The following RALYL variants were observed in gnomAD, a reference collection of about 807,000 sequenced individuals.
The protein encoded by RALYL is RNA-binding Raly-like protein.
Under a neutral mutation model 35.1 loss-of-function variants are expected in RALYL, and 29 were observed. The observed-to-expected ratio is 0.83, with a 90% CI of 0.61 to 1.13. RALYL has a LOEUF of 1.13. Among genes scored for constraint, RALYL ranks in the 50% most tolerant of loss-of-function variants. The probability of loss-of-function intolerance (pLI) is 0.00; values close to 1 mark genes in which losing one functional copy is unlikely to be tolerated. For synonymous variants in RALYL, 120 were observed against 127.6 expected, an observed-to-expected ratio of 0.94 and a Z score of 0.40; for missense variants, 359 against 360.4, an observed-to-expected ratio of 1.00 and a Z score of 0.03.
At chr8:84,705,923 T>C in intron 2 of RALYL, 2 of 1,500,178 alleles carry the variant, frequency 1.3e-6, no homozygotes, top group Non-Finnish European at 8.8e-7. Context: ...GGTTACCTTC[T>C]GTCAGTGAGC....
intron 2 of RALYL, among the ~76,000 whole-genome samples, chr8:84,603,900 A>C (rs1816528127): frequency 6.6e-6 from 1 of 151,744 alleles, no homozygotes; most frequent in Non-Finnish European, 1.5e-5. Context: ...CTTCACCACC[A>C]CTGCTCTGGA....
intron 1 of RALYL, among the ~76,000 whole-genome samples, chr8:84,285,514 T>C (rs1053723686): frequency 6.6e-6 from 1 of 152,024 alleles, no homozygotes. Flanking sequence ...TGGTTATAAA[T>C]GCTATGGAAC....
At chr8:84,733,543 A>G (rs1329121398) in intron 2 of RALYL, among the ~76,000 whole-genome samples, 5 of 152,180 alleles carry the variant, frequency 3.3e-5, no homozygotes, top group African/African-American at 1.2e-4. Flanking sequence ...AAAGTCCTAA[A>G]TATGGAGAAT....
chr8:84,489,560 C>T (rs982989624), intron 1 of RALYL, among the ~76,000 whole-genome samples: 1 of 151,946 alleles, frequency 6.6e-6, no homozygotes, highest in African/African-American at 2.4e-5. Flanking sequence ...AGTCCAATTG[C>T]AGAAACTGGC....
chr8:84,188,016 G>A (rs1812944110), intron 1 of RALYL, among the ~76,000 whole-genome samples: 1 of 152,056 alleles, frequency 6.6e-6, no homozygotes, highest in African/African-American at 2.4e-5. Context: ...TGAATAGTAA[G>A]GACGAATTTG....
intron 1 of RALYL, among the ~76,000 whole-genome samples, chr8:84,443,873 C>T (rs2048593167): frequency 6.6e-6 from 1 of 152,110 alleles, no homozygotes; most frequent in African/African-American, 2.4e-5. Context: ...TCGATGATAG[C>T]AACCTCCAGT....
At chr8:84,487,974 C>A (rs1312287468) in intron 1 of RALYL, among the ~76,000 whole-genome samples, 4 of 151,842 alleles carry the variant, frequency 2.6e-5, no homozygotes, top group African/African-American at 7.3e-5. Context: ...ATGTTTATAT[C>A]CATGGTGTGA....
intron 1 of RALYL, among the ~76,000 whole-genome samples, chr8:84,305,338 T>C (rs1841573536): frequency 6.6e-6 from 1 of 152,202 alleles, no homozygotes; most frequent in Admixed American, 6.5e-5. Flanking sequence ...CGTCTAGTAA[T>C]TCAACTGATA....
chr8:84,258,601 T>G (rs1444922767), intron 1 of RALYL, among the ~76,000 whole-genome samples: 1 of 152,080 alleles, frequency 6.6e-6, no homozygotes, highest in Non-Finnish European at 1.5e-5. Context: ...CTTTGCATAT[T>G]GTTTCTAATT....
intron 7 of RALYL, among the ~76,000 whole-genome samples, chr8:84,877,870 C>T (rs535627134): frequency 6.6e-6 from 1 of 152,276 alleles, no homozygotes; most frequent in South Asian, 2.1e-4. Flanking sequence ...TACCTTACTG[C>T]TCTCATTGAC....
chr8:84,440,865 T>A lies in RALYL; in HGVS notation c.-23-88434T>A, dbSNP rs111964524. Among the ~76,000 whole-genome samples the A allele has an allele frequency of 2.2e-3, 342 of 152,188 alleles. 3 individuals carry two copies. The highest frequency in any genetic ancestry group is 7.6e-3 in the African/African-American group (316 of 41,588). ...TTTTTAGGTGAACATAAGTTTTCATTTAACTTGATTTAATCTCTACAAGAG... is the reference window on the plus strand; with the variant it reads ...TTTTTAGGTGAACATAAGTTTTCATATAACTTGATTTAATCTCTACAAGAG... On this transcript the variant is annotated intron_variant, in intron 1 of 8. Transcript: ENST00000521268.
intron 1 of RALYL, among the ~76,000 whole-genome samples, chr8:84,403,493 G>GCTCTGTT (rs2043131344): frequency 7.3e-6 from 1 of 136,620 alleles, no homozygotes; most frequent in Non-Finnish European, 1.6e-5. Context: ...ATTTCTGAGG[G>GCTCTGTT]CTCTGTTCTG....
chr8:84,769,246 C>A (rs1340318220), intron 2 of RALYL, among the ~76,000 whole-genome samples: 2 of 151,834 alleles, frequency 1.3e-5, no homozygotes, highest in Non-Finnish European at 2.9e-5. Flanking sequence ...CTCGATCTGG[C>A]TGTGCCTTAT....
chr8:84,466,883 G>A (rs1421243662), intron 1 of RALYL, among the ~76,000 whole-genome samples: 2 of 151,288 alleles, frequency 1.3e-5, no homozygotes, highest in Non-Finnish European at 1.5e-5. Context: ...GAGTGTATGT[G>A]TCGAGGAATT....
chr8:84,676,341 A>G (rs1023370192), intron 2 of RALYL, among the ~76,000 whole-genome samples: 1 of 152,218 alleles, frequency 6.6e-6, no homozygotes, highest in African/African-American at 2.4e-5. Context: ...ATGTCCATAC[A>G]GCAGAAATAG....
intron 1 of RALYL, among the ~76,000 whole-genome samples, chr8:84,474,565 G>A (rs149955261): frequency 3.3e-5 from 5 of 151,946 alleles, no homozygotes; most frequent in Admixed American, 6.6e-5. Flanking sequence ...TAAATTCCTC[G>A]ATGGAACTTC....
At chr8:84,430,029 T>C (rs1318151253) in intron 1 of RALYL, among the ~76,000 whole-genome samples, 2 of 150,862 alleles carry the variant, frequency 1.3e-5, no homozygotes, top group African/African-American at 4.9e-5. Context: ...AAAAAAAGAG[T>C]TCCATTTTTC....
intron 1 of RALYL, among the ~76,000 whole-genome samples, chr8:84,435,902 A>G (rs2047659641): frequency 6.6e-6 from 1 of 152,096 alleles, no homozygotes; most frequent in Admixed American, 6.6e-5. Flanking sequence ...GCAGGATTGG[A>G]TAGAAAGGAT....
intron 1 of RALYL, among the ~76,000 whole-genome samples, chr8:84,450,819 A>T (rs2133182567): frequency 6.6e-6 from 1 of 152,126 alleles, no homozygotes; most frequent in South Asian, 2.1e-4. Flanking sequence ...AATTTTCAAA[A>T]AGATTCCATC....
Sources: gnomAD v4.1 joint callset for allele counts (sites outside exome capture counted in the v4.1 genomes callset) on GRCh38, gnomAD v4.1.1 for gene constraint, MANE v1.5 for transcripts, NCBI Gene and HGNC (gene_info 2026-07-23, HGNC 2026-07-21) for gene names.